Variants in C9orf72 observed in about 807,000 individuals in gnomAD.
C9orf72 encodes guanine nucleotide exchange factor C9orf72.
C9orf72 carries 44 observed loss-of-function variants against 51.6 expected under a neutral mutation model. That is an observed-to-expected ratio of 0.85 (90% CI 0.67 to 1.10). The LOEUF (loss-of-function observed/expected upper bound fraction) is 1.10, where lower values mean the gene tolerates loss of function less well. Ranked by LOEUF, C9orf72 falls within the 50% of genes least tolerant of loss-of-function variation. C9orf72 has a pLI of 0.00. For synonymous variants in C9orf72, 213 were observed against 194.2 expected (o/e 1.10, Z -0.81); for missense variants, 607 against 570.6 (o/e 1.06, Z -0.65).
chr9:27,548,336 A>G lies in C9orf72; in HGVS notation c.1346T>C (p.Met449Thr), dbSNP rs775400975. Reference protein sequence around the residue: ...LTAEGDLNIIMALAEKIKPGL... With the variant: ...LTAEGDLNIITALAEKIKPGL... ...TGGTTTAATTTTCTCAGCCAGAGCC[A>G]TTATTATGTTAAGATCGCCCTCTGC... The change falls in exon 11 of 11, where the codon ATG (methionine) becomes ACG (threonine). Residue 449 changes from methionine (M) to threonine (T), a missense_variant. By Grantham distance (81) the Met-to-Thr change is moderately conservative. Coordinates refer to ENST00000380003, the MANE Select transcript of C9orf72 (RefSeq NM_018325.5). 86 of 1,601,602 alleles carry G rather than the reference A, an allele frequency of 5.4e-5. No individual in the cohort carries two copies. Among genetic ancestry groups the G allele is most frequent in the Non-Finnish European group, 7.2e-5 (85 of 1,173,134 alleles).
chr9:27,565,634 T>C, intron 2 of C9orf72, 44 bp from the exon 3 acceptor site: 2 of 1,170,944 alleles, frequency 1.7e-6, no homozygotes, highest in Non-Finnish European at 2.5e-6. Context: ...CCACAACATT[T>C]TGATACTTGC....
intron 5 of C9orf72, 61 bp downstream of exon 5, chr9:27,561,524 C>A: frequency 6.3e-7 from 1 of 1,596,698 alleles, no homozygotes. Context: ...CAAATCTTGT[C>A]ATAGGTGAGC....
chr9:27,551,430 T>C (rs1290104684), intron 8 of C9orf72, among the ~76,000 whole-genome samples: 2 of 152,216 alleles, frequency 1.3e-5, no homozygotes, highest in African/African-American at 4.8e-5. Context: ...CTTTCATCTT[T>C]TTCTCTTCCA....
At position 27,566,925 on chromosome 9, in the gene C9orf72, T is replaced by C. The variant is rs373709108; in HGVS notation, c.196A>G (p.Thr66Ala). 2 of 1,613,886 alleles carry C rather than the reference T, an allele frequency of 1.2e-6. No individual in the cohort carries two copies. The highest frequency in any genetic ancestry group is 2.2e-5 in the East Asian group (1 of 44,890). ...DGEITFLANH[T>A]LNGEILRNAE... ...TTTCGAAGGATTTCTCCATTTAGAG[T>C]GTGGTTGGCAAGAAAAGTTATTTCT... The change falls in exon 2 of 11, where the codon ACT (threonine) becomes GCT (alanine). Residue 66 changes from threonine (T) to alanine (A), a missense_variant. By Grantham distance (58) the Thr-to-Ala change is moderately conservative. Coordinates refer to ENST00000380003, the MANE Select transcript of C9orf72 (RefSeq NM_018325.5).
At chr9:27,571,496 T>C (rs977886169) in intron 1 of C9orf72, among the ~76,000 whole-genome samples, 25 of 152,124 alleles carry the variant, frequency 1.6e-4, no homozygotes, top group African/African-American at 4.8e-4. Flanking sequence ...CGTTTTGTCA[T>C]CCAGGCTGGA....
intron 8 of C9orf72, among the ~76,000 whole-genome samples, chr9:27,555,965 A>G (rs1394593776): frequency 2.0e-5 from 3 of 151,542 alleles, no homozygotes; most frequent in Non-Finnish European, 4.4e-5. Flanking sequence ...TAGATTTATC[A>G]TCATCATTTT....
intron 1 of C9orf72, among the ~76,000 whole-genome samples, chr9:27,569,496 G>A (rs1167000423): frequency 1.3e-5 from 2 of 152,130 alleles, no homozygotes; most frequent in African/African-American, 4.8e-5. Flanking sequence ...ATTTACCACT[G>A]TGTTACAACT....
chr9:27,556,330 A>C (rs1351512767), intron 8 of C9orf72: 1 of 567,214 alleles, frequency 1.8e-6, no homozygotes, highest in Non-Finnish European at 3.1e-6. Flanking sequence ...TATTAAACAA[A>C]TAGTTAAATA....
chr9:27,572,884 T>A (rs987874514), intron 1 of C9orf72, among the ~76,000 whole-genome samples: 7 of 152,238 alleles, frequency 4.6e-5, no homozygotes, highest in African/African-American at 1.7e-4. Context: ...CCGACTTGCA[T>A]TGCTGCCCTC....
chr9:27,565,495 G>A (rs1819446890), intron 3 of C9orf72, 36 bp downstream of exon 3: 11 of 1,390,428 alleles, frequency 7.9e-6, no homozygotes, highest in Non-Finnish European at 1.1e-5. Context: ...TACATGCTGT[G>A]AGAAAAACAT....
chr9:27,550,491 C>G (rs188094558), intron 9 of C9orf72, among the ~76,000 whole-genome samples, 159 bp downstream of exon 9: 3 of 152,072 alleles, frequency 2.0e-5, no homozygotes, highest in Admixed American at 6.6e-5. Flanking sequence ...ACAGACTCTT[C>G]TGAGAACTGT....
chr9:27,549,031 G>A (rs993963035), intron 9 of C9orf72, among the ~76,000 whole-genome samples: 4 of 152,212 alleles, frequency 2.6e-5, no homozygotes, highest in African/African-American at 7.2e-5. Context: ...ACTTAGTAGA[G>A]ACGGGGTTTC....
chr9:27,551,232 T>A (rs932843220), intron 8 of C9orf72, among the ~76,000 whole-genome samples: 1 of 152,176 alleles, frequency 6.6e-6, no homozygotes, highest in Non-Finnish European at 1.5e-5. Context: ...AAGCCCACCA[T>A]CTGTAAGTAA....
At chr9:27,550,590 A>G (rs1587299439) in intron 9 of C9orf72, 60 bp downstream of exon 9, 4 of 1,015,844 alleles carry the variant, frequency 3.9e-6, no homozygotes, top group Non-Finnish European at 6.1e-6. Flanking sequence ...ATTGTAGGAT[A>G]TATTAAAAAA....
intron 8 of C9orf72, among the ~76,000 whole-genome samples, chr9:27,551,077 C>A (rs1213789506): frequency 1.6e-5 from 2 of 125,226 alleles, no homozygotes; most frequent in Non-Finnish European, 3.6e-5. Flanking sequence ...CCAATTCTTG[C>A]CATCTCAAAA....
intron 8 of C9orf72, among the ~76,000 whole-genome samples, chr9:27,556,040 T>A (rs76412392): frequency 0.034 from 5,187 of 151,618 alleles, 316 homozygotes; most frequent in East Asian, 0.18. Flanking sequence ...AATTTACTGT[T>A]CAGGCTTTTT....
Position 27,560,287 on chromosome 9 carries a change from T to C in C9orf72, c.678A>G (p.Ser226=). 2 of 1,609,970 alleles carry C rather than the reference T, an allele frequency of 1.2e-6. No individual in the cohort carries two copies. Among genetic ancestry groups the C allele is most frequent in the Non-Finnish European group, 8.5e-7 (1 of 1,177,674 alleles). ...CGGAACAGCCACAGGTTTGCAAGTG[T>C]GAGCTGATGGCACTGTAAGTTAAAG... ...HEGFLLNAIS[S]HLQTCGCSVV... Residue 226 remains serine, a synonymous_variant, in exon 6 of 11, where the codon TCA becomes TCG. Coordinates refer to ENST00000380003, the MANE Select transcript of C9orf72 (RefSeq NM_018325.5).
intron 5 of C9orf72, 163 bp from the exon 6 acceptor site, chr9:27,560,462 AC>A: frequency 1.6e-6 from 1 of 619,072 alleles, no homozygotes; most frequent in Non-Finnish European, 2.5e-6. Context: ...ATAGGAACCT[AC>A]ATTTTCTAGA....
chr9:27,556,788 A>G lies in C9orf72; in HGVS notation c.864T>C (p.Thr288=), dbSNP rs773487371. ...GCCGGAAAGGCAGCACAAAGCTTCCAGTTGAATCCTGTCAAAATAAAAGGA... is the reference window on the plus strand; with the variant it reads ...GCCGGAAAGGCAGCACAAAGCTTCCGGTTGAATCCTGTCAAAATAAAAGGA... ...LFVQGLLKDS[T]GSFVLPFRQV... is the part of the protein sequence containing the mutation. Residue 288 remains threonine (T), a synonymous_variant, in exon 8 of 11, where the codon ACT becomes ACC. Coordinates refer to ENST00000380003, the MANE Select transcript of C9orf72 (RefSeq NM_018325.5). The G allele has an allele frequency of 2.5e-6, 4 of 1,608,220 alleles. No homozygotes were observed. The highest frequency in any genetic ancestry group is 2.2e-5 in the South Asian group (2 of 90,942).
Sources: allele counts gnomAD v4.1 joint callset (sites outside exome capture counted in the v4.1 genomes callset), GRCh38; gene constraint gnomAD v4.1.1; transcripts MANE v1.5; gene names NCBI Gene and HGNC (gene_info 2026-07-23, HGNC 2026-07-21).